The following RUNX1 variants were observed in gnomAD, a reference collection of about 807,000 sequenced individuals.
RUNX1 encodes the protein runt-related transcription factor 1.
A neutral mutation model predicts 42.8 loss-of-function variants in RUNX1; 19 were observed. The observed-to-expected ratio is 0.44, with a 90% confidence interval of 0.31 to 0.65. RUNX1 has a LOEUF of 0.65. Among genes scored for constraint, RUNX1 ranks in the 30% least tolerant of loss-of-function variants. The pLI, the probability that RUNX1 is intolerant of heterozygous loss-of-function variation, is 0.07. For synonymous variants in RUNX1, 271 were observed against 289.4 expected (o/e 0.94, Z 0.64); for missense variants, 528 against 672.0 (o/e 0.79, Z 2.37).
At chr21:34,836,232 G>A (rs2146086664) in intron 6 of RUNX1, among the ~76,000 whole-genome samples, 1 of 152,366 alleles carries the variant, frequency 6.6e-6, no homozygotes, top group East Asian at 1.9e-4. Context: ...CAAACAGCCT[G>A]AGTCACGCAG....
intron 6 of RUNX1, among the ~76,000 whole-genome samples, chr21:34,854,452 G>A (rs995168759): frequency 2.6e-5 from 4 of 152,022 alleles, no homozygotes; most frequent in Non-Finnish European, 4.4e-5. Context: ...GGGCATGGTG[G>A]TGGATGCCTA....
At chr21:35,044,415 A>G (rs2059381955) in intron 2 of RUNX1, among the ~76,000 whole-genome samples, 1 of 152,192 alleles carries the variant, frequency 6.6e-6, no homozygotes, top group African/African-American at 2.4e-5. Flanking sequence ...ATTCAGATTT[A>G]TTGCTTACTT....
chr21:34,983,203 TCA>T (rs2058860491), intron 2 of RUNX1, among the ~76,000 whole-genome samples: 2 of 152,234 alleles, frequency 1.3e-5, no homozygotes, highest in Admixed American at 6.5e-5. Flanking sequence ...GTCTTGTTTT[TCA>T]CTGTAGCTTC....
At chr21:34,887,152 C>G in intron 3 of RUNX1, 56 bp from the exon 4 acceptor site, 1 of 1,596,252 alleles carries the variant, frequency 6.3e-7, no homozygotes, top group Non-Finnish European at 8.5e-7. Flanking sequence ...CAAACAGCTC[C>G]TACCAGACGG....
At chr21:34,815,731 T>A (rs1456719937) in intron 7 of RUNX1, among the ~76,000 whole-genome samples, 1 of 152,058 alleles carries the variant, frequency 6.6e-6, no homozygotes, top group Admixed American at 6.5e-5. Flanking sequence ...AGGTAAATCA[T>A]GCACTCTTAC....
chr21:34,973,461 T>G (rs959386823), intron 2 of RUNX1, among the ~76,000 whole-genome samples: 1 of 152,240 alleles, frequency 6.6e-6, no homozygotes, highest in Non-Finnish European at 1.5e-5. Flanking sequence ...GTATGTGAAT[T>G]TTATGATACT....
intron 2 of RUNX1, among the ~76,000 whole-genome samples, chr21:34,953,925 A>C (rs2058626864): frequency 6.6e-6 from 1 of 152,238 alleles, no homozygotes; most frequent in Admixed American, 6.5e-5. Flanking sequence ...CTCAGTAAGC[A>C]AAAGAAAGCC....
intron 2 of RUNX1, among the ~76,000 whole-genome samples, chr21:34,978,388 ATGT>A (rs1376855955): frequency 6.6e-6 from 1 of 152,180 alleles, no homozygotes; most frequent in African/African-American, 2.4e-5. Flanking sequence ...ATGAATGGAA[ATGT>A]TGTTTTACAA....
chr21:34,890,454 C>G (rs955053605), intron 3 of RUNX1, among the ~76,000 whole-genome samples: 10 of 152,274 alleles, frequency 6.6e-5, no homozygotes, highest in African/African-American at 2.2e-4. Context: ...CCAGGCCTCC[C>G]CGCTGTGCGG....
intron 2 of RUNX1, among the ~76,000 whole-genome samples, chr21:34,906,677 A>G (rs2834668): frequency 0.084 from 12,734 of 152,260 alleles, 1,554 homozygotes; most frequent in African/African-American, 0.27. Context: ...GCTGTTCTTC[A>G]TAGTTCTCAT....
intron 5 of RUNX1, among the ~76,000 whole-genome samples, chr21:34,873,392 C>T (rs2057768097): frequency 1.3e-5 from 2 of 152,214 alleles, no homozygotes; most frequent in Admixed American, 6.5e-5. Context: ...TGGGGTAGTT[C>T]TGCAGATGGC....
At chr21:34,930,233 T>C (rs1314844558) in intron 2 of RUNX1, among the ~76,000 whole-genome samples, 3 of 126,260 alleles carry the variant, frequency 2.4e-5, no homozygotes, top group African/African-American at 1.2e-4. Flanking sequence ...ATATTATATA[T>C]ACATATTATA....
Position 34,792,479 on chromosome 21 carries a change from C to G in RUNX1, c.1099G>C (p.Gly367Arg). ...PTPVTSGIGI[G>R]MSAMGSATRY... is the part of the protein sequence containing the mutation. Reference sequence around the variant, plus strand: ...GTGGCCGAGCCCATGGCCGACATGCCGATGCCGATGCCCGAGGTGACCGGC... The same window carrying G: ...GTGGCCGAGCCCATGGCCGACATGCGGATGCCGATGCCCGAGGTGACCGGC... The change falls in exon 9 of 9, where the codon GGC becomes CGC. Residue 367 changes from glycine (G) to arginine (R), a missense_variant. This residue lies in a region of RUNX1 where 331 missense variants were observed against 382.5 expected (regional missense o/e 0.87). Transcript: ENST00000675419. The surrounding 1 kb of genome is among the most constrained non-coding windows in gnomAD (Gnocchi z 6.9). The G allele has an allele frequency of 1.3e-6, 2 of 1,588,248 alleles. No individual in the cohort carries two copies. The highest frequency in any genetic ancestry group is 1.7e-6 in the Non-Finnish European group (2 of 1,167,398).
At chr21:35,006,108 T>G (rs1271639774) in intron 2 of RUNX1, among the ~76,000 whole-genome samples, 1 of 152,162 alleles carries the variant, frequency 6.6e-6, no homozygotes, top group Non-Finnish European at 1.5e-5. Flanking sequence ...TCTCATCTAT[T>G]AAGGTCACCA....
chr21:35,014,427 G>A (rs943064588), intron 2 of RUNX1, among the ~76,000 whole-genome samples: 11 of 152,162 alleles, frequency 7.2e-5, no homozygotes, highest in Admixed American at 7.2e-4. Context: ...TCTAGTCCAG[G>A]ATCGATACTT....
chr21:35,038,343 G>A (rs184791343), intron 2 of RUNX1: 8 of 335,226 alleles, frequency 2.4e-5, no homozygotes, highest in Non-Finnish European at 4.7e-5. Flanking sequence ...GAAGCCCCTG[G>A]TGATAAAGAA....
intron 2 of RUNX1, among the ~76,000 whole-genome samples, chr21:34,975,942 G>A (rs1375949542): frequency 6.6e-6 from 1 of 152,066 alleles, no homozygotes; most frequent in Non-Finnish European, 1.5e-5. Context: ...AATTATGGAA[G>A]GTCTTGGTTT....
chr21:35,003,082 G>A (rs1197317470), intron 2 of RUNX1, among the ~76,000 whole-genome samples: 4 of 152,124 alleles, frequency 2.6e-5, no homozygotes, highest in East Asian at 3.8e-4. Flanking sequence ...CCTCCCACTC[G>A]AAAAGCAAAT....
chr21:35,036,328 A>G (rs1440707750), intron 2 of RUNX1, among the ~76,000 whole-genome samples: 4 of 152,056 alleles, frequency 2.6e-5, no homozygotes, highest in African/African-American at 9.7e-5. Flanking sequence ...ACATCTTTTA[A>G]TTTGTCCCAT....
Sources: allele counts gnomAD v4.1 joint callset (sites outside exome capture counted in the v4.1 genomes callset), GRCh38; gene constraint gnomAD v4.1.1; regional missense constraint gnomAD v4.1.1; non-coding constraint Gnocchi (gnomAD v3.1); transcripts MANE v1.5; gene names NCBI Gene and HGNC (gene_info 2026-07-23, HGNC 2026-07-21).